Variants in FKBP5 observed in about 807,000 individuals in gnomAD.
FKBP5 encodes the protein FKBP prolyl isomerase 5, also known as peptidyl-prolyl cis-trans isomerase FKBP5.
Under a neutral mutation model 50.5 loss-of-function variants are expected in FKBP5, and 23 were observed. The observed-to-expected ratio is 0.46, with a 90% CI of 0.33 to 0.65. The LOEUF (loss-of-function observed/expected upper bound fraction) is 0.65, where lower values mean the gene tolerates loss of function less well. FKBP5 is among the 30% of genes least tolerant of loss of function. FKBP5 has a pLI of 0.02. For synonymous variants in FKBP5, 176 were observed against 190.6 expected (o/e 0.92, Z 0.63); for missense variants, 411 against 553.1 (o/e 0.74, Z 2.58).
intron 3 of FKBP5, among the ~76,000 whole-genome samples, chr6:35,636,100 T>G (rs1364892945): frequency 6.6e-6 from 1 of 152,234 alleles, no homozygotes; most frequent in East Asian, 1.9e-4. Context: ...CATTGGTCAC[T>G]GAGAAAATAT....
chr6:35,650,304 A>G, intron 1 of FKBP5, among the ~76,000 whole-genome samples: 1 of 151,480 alleles, frequency 6.6e-6, no homozygotes, highest in East Asian at 1.9e-4. Flanking sequence ...TTGTCCAAAA[A>G]AAAAAAAAAA....
chr6:35,687,096 A>C (rs150528838), intron 1 of FKBP5, among the ~76,000 whole-genome samples: 1 of 152,238 alleles, frequency 6.6e-6, no homozygotes, highest in African/African-American at 2.4e-5. Flanking sequence ...AATGAATAAT[A>C]AACTAGCATA....
At position 35,716,564 on chromosome 6, in the gene FKBP5, C is replaced by T. The variant is rs145916190; in HGVS notation, c.-20+3764G>A. On this transcript the variant is annotated intron_variant, in intron 2 of 11. Coordinates refer to the FKBP5 transcript ENST00000536438. Reference sequence around the variant, plus strand: ...CACACACACTCTTAGAAGACAGTTACCGTGTCTTATGATTTCTGTGCCACC... The same window carrying T: ...CACACACACTCTTAGAAGACAGTTATCGTGTCTTATGATTTCTGTGCCACC... Among the ~76,000 whole-genome samples the T allele has an allele frequency of 1.6e-4, 25 of 152,182 alleles. No individual in the cohort carries two copies. The East Asian group carries it at 4.6e-3, about 28-fold the overall frequency.
At chr6:35,724,787 T>A (rs1294402115) in intron 1 of FKBP5, among the ~76,000 whole-genome samples, 1 of 151,192 alleles carries the variant, frequency 6.6e-6, no homozygotes, top group Non-Finnish European at 1.5e-5. Flanking sequence ...CTGGCTTTGA[T>A]GTCAGACAGA....
chr6:35,641,152 T>A (rs71569306), intron 2 of FKBP5, among the ~76,000 whole-genome samples: 1,860 of 152,198 alleles, frequency 0.012, 18 homozygotes, highest in Non-Finnish European at 0.019. Context: ...CTAATTTTTT[T>A]AATTTTTTTT....
At chr6:35,622,565 A>C (rs979576895) in intron 3 of FKBP5, among the ~76,000 whole-genome samples, 3 of 152,106 alleles carry the variant, frequency 2.0e-5, no homozygotes, top group African/African-American at 7.2e-5. Flanking sequence ...CACCCATGAA[A>C]GAGATGGAAA....
upstream of FKBP5, among the ~76,000 whole-genome samples, chr6:35,693,601 C>A (rs946004359): frequency 6.6e-6 from 1 of 151,854 alleles, no homozygotes; most frequent in Non-Finnish European, 1.5e-5. Context: ...CTCACTGCAA[C>A]CTCCGCTTCC....
intron 1 of FKBP5, among the ~76,000 whole-genome samples, chr6:35,678,897 C>T (rs76595993): frequency 7.3e-4 from 111 of 152,274 alleles, no homozygotes; most frequent in African/African-American, 2.6e-3. Flanking sequence ...GCTTGAGCAA[C>T]ATAGTGAGAC....
intron 6 of FKBP5, among the ~76,000 whole-genome samples, chr6:35,593,913 A>T (rs1000459285): frequency 2.0e-5 from 3 of 152,154 alleles, no homozygotes; most frequent in Non-Finnish European, 4.4e-5. Flanking sequence ...AAAGGACGGA[A>T]AAAAAAGTTA....
At chr6:35,602,963 C>T (rs1052141059) in intron 5 of FKBP5, among the ~76,000 whole-genome samples, 7 of 152,190 alleles carry the variant, frequency 4.6e-5, no homozygotes, top group African/African-American at 1.7e-4. Context: ...ACCACTATAG[C>T]ACTTGAGTTA....
At chr6:35,687,468 G>T (rs3800372) in intron 1 of FKBP5, among the ~76,000 whole-genome samples, 1 of 152,110 alleles carries the variant, frequency 6.6e-6, no homozygotes, top group East Asian at 1.9e-4. Flanking sequence ...TCCCTTTAGA[G>T]AATTACTTTA....
intron 5 of FKBP5, among the ~76,000 whole-genome samples, chr6:35,600,366 T>A (rs894176091): frequency 2.6e-5 from 4 of 151,706 alleles, no homozygotes; most frequent in African/African-American, 9.7e-5. Context: ...TGCAGTGAGT[T>A]GTTATTGCGG....
chr6:35,690,580 G>A (rs1176440372), upstream of FKBP5, among the ~76,000 whole-genome samples: 3 of 152,190 alleles, frequency 2.0e-5, no homozygotes, highest in African/African-American at 7.2e-5. Context: ...GTGCCTAGAA[G>A]CTTCCCTGTT....
In FKBP5 at chr6:35,575,158, G is replaced by A. The variant is rs1240402016; in HGVS notation, c.*677C>T. The A allele has an allele frequency of 6.6e-6, 1 of 152,174 alleles. No individual in the cohort carries two copies. The highest frequency in any genetic ancestry group is 2.4e-5 in the African/African-American group (1 of 41,426). 9.4% of individuals were successfully genotyped at this position (152,174 alleles called of 1,614,324 possible). Reference sequence around the variant, plus strand: ...TAGGAATGACAGAATTACTCCCCCAGGGACAGGCTGTGTGTGGTAGAAAGC... The same window carrying A: ...TAGGAATGACAGAATTACTCCCCCAAGGACAGGCTGTGTGTGGTAGAAAGC... On this transcript the variant is annotated 3_prime_UTR_variant, in exon 11 of 11. Coordinates refer to ENST00000357266, the MANE Select transcript of FKBP5 (RefSeq NM_004117.4).
upstream of FKBP5, among the ~76,000 whole-genome samples, chr6:35,691,721 C>T (rs766757057): frequency 1.8e-4 from 28 of 152,222 alleles, no homozygotes; most frequent in Non-Finnish European, 3.8e-4. Context: ...CATGTGCTTG[C>T]ATTTTCCCTA....
At chr6:35,664,937 C>A (rs1458968364) in intron 1 of FKBP5, 1 of 152,168 alleles carries the variant, frequency 6.6e-6, no homozygotes, top group African/African-American at 2.4e-5. Flanking sequence ...TCTGGCCATT[C>A]TCCTAGGTTT....
intron 6 of FKBP5, among the ~76,000 whole-genome samples, chr6:35,593,774 C>T (rs1483082390): frequency 2.0e-5 from 3 of 151,770 alleles, no homozygotes; most frequent in Non-Finnish European, 2.9e-5. Context: ...AGGCTGGTCG[C>T]GAACTCCTGA....
chr6:35,577,793 C>T (rs1471524775), intron 9 of FKBP5, among the ~76,000 whole-genome samples: 1 of 152,204 alleles, frequency 6.6e-6, no homozygotes, highest in African/African-American at 2.4e-5. Flanking sequence ...CAGTGGTTCA[C>T]ACCCTAATCC....
intron 6 of FKBP5, 125 bp downstream of exon 6, chr6:35,597,123 C>G (rs1248557055): frequency 2.0e-6 from 2 of 1,006,880 alleles, no homozygotes; most frequent in Middle Eastern, 2.1e-4. Context: ...CTAACTGCAG[C>G]CTGATTTAAT....
Sources: gnomAD v4.1 joint callset for allele counts (sites outside exome capture counted in the v4.1 genomes callset) on GRCh38, gnomAD v4.1.1 for gene constraint, MANE v1.5 for transcripts, NCBI Gene and HGNC (gene_info 2026-07-23, HGNC 2026-07-21) for gene names.